DPYD: variants seen among roughly 807,000 people sequenced by gnomAD.
DPYD encodes dihydropyrimidine dehydrogenase.
DPYD carries 109 observed loss-of-function variants against 116.2 expected under a neutral mutation model. The observed-to-expected ratio is 0.94, with a 90% CI of 0.80 to 1.10. The LOEUF is 1.10. Ranked by LOEUF, DPYD falls within the 50% of genes least tolerant of loss-of-function variation. The pLI is 0.00. For synonymous variants in DPYD, 440 were observed against 432.0 expected (o/e 1.02, Z -0.23); for missense variants, 1,302 against 1,254.5 (o/e 1.04, Z -0.57).
At chr1:97,343,224 A>G (rs1669669020) in intron 16 of DPYD, among the ~76,000 whole-genome samples, 1 of 152,128 alleles carries the variant, frequency 6.6e-6, no homozygotes, top group African/African-American at 2.4e-5. Flanking sequence ...ATTGATTTCA[A>G]TGTGACATTA....
At chr1:97,634,485 ATAAC>A (rs1657450903) in intron 8 of DPYD, among the ~76,000 whole-genome samples, 1 of 152,114 alleles carries the variant, frequency 6.6e-6, no homozygotes, top group South Asian at 2.1e-4. Context: ...TTTGAAGAAA[ATAAC>A]TAATACATAA....
At chr1:97,415,729 T>C (rs1674255078) in intron 14 of DPYD, among the ~76,000 whole-genome samples, 1 of 152,240 alleles carries the variant, frequency 6.6e-6, no homozygotes. Context: ...GATAAATTTT[T>C]TGGACATTTC....
At chr1:97,836,676 G>A (rs2101517622) in intron 2 of DPYD, among the ~76,000 whole-genome samples, 1 of 152,050 alleles carries the variant, frequency 6.6e-6, no homozygotes, top group Admixed American at 6.5e-5. Context: ...AATGGAGTGG[G>A]TCAGTTCAAA....
chr1:97,453,991 T>C lies in DPYD; in HGVS notation c.1741-3768A>G, dbSNP rs114756151. On this transcript the variant is annotated intron_variant, in intron 13 of 22. Transcript: ENST00000370192. ...TCAACCAAAGATAAAAGGTCCTTTA[T>C]AACTTCTCAAATTACAGATGCCTAC... is the stretch of plus-strand genomic sequence containing the variant. Among the ~76,000 whole-genome samples, 652 of 152,196 alleles carry C rather than the reference T, an allele frequency of 4.3e-3. 7 individuals carry two copies. Among genetic ancestry groups the C allele is most frequent in the African/African-American group, 0.015 (635 of 41,564 alleles).
intron 12 of DPYD, among the ~76,000 whole-genome samples, chr1:97,522,781 G>C (rs985949709): frequency 1.3e-5 from 2 of 151,536 alleles, no homozygotes; most frequent in African/African-American, 4.8e-5. Context: ...TTCCTCTGTA[G>C]AGATATAAAT....
At chr1:97,745,445 C>T (rs1474096235) in intron 3 of DPYD, among the ~76,000 whole-genome samples, 2 of 152,012 alleles carry the variant, frequency 1.3e-5, no homozygotes, top group African/African-American at 4.8e-5. Flanking sequence ...TAGAACAGAA[C>T]ACAATTCACA....
At chr1:97,748,154 CAGA>C (rs1388946893) in intron 3 of DPYD, among the ~76,000 whole-genome samples, 3 of 152,168 alleles carry the variant, frequency 2.0e-5, no homozygotes, top group Middle Eastern at 3.4e-3. Context: ...TACGGGATTT[CAGA>C]AGAAGGAAAA....
At chr1:97,354,141 T>G (rs1044287095) in intron 16 of DPYD, among the ~76,000 whole-genome samples, 2 of 152,234 alleles carry the variant, frequency 1.3e-5, no homozygotes, top group Non-Finnish European at 2.9e-5. Flanking sequence ...GTGTCAGGTG[T>G]TGTACCTGCT....
At chr1:97,858,662 T>C (rs912088459) in intron 2 of DPYD, among the ~76,000 whole-genome samples, 4 of 152,130 alleles carry the variant, frequency 2.6e-5, no homozygotes, top group African/African-American at 4.8e-5. Flanking sequence ...CAAGTTATGA[T>C]ACTAATATAT....
Position 97,754,299 on chromosome 1 carries a change from AAT to A in DPYD, c.234-13822_234-13821del, listed in dbSNP as rs573145986. ...GCTAAAGGACACAATATTCAGAAAT[AAT>A]ATCTTAAATAACATCAATAAAATTA... On this transcript the variant is annotated intron_variant, in intron 3 of 22. Transcript: ENST00000370192. Among the ~76,000 whole-genome samples, 333 of 152,330 alleles carry A rather than the reference AAT, an allele frequency of 2.2e-3. 2 individuals carry two copies. Among genetic ancestry groups the A allele is most frequent in the Non-Finnish European group, 3.2e-3 (221 of 68,024 alleles).
intron 3 of DPYD, among the ~76,000 whole-genome samples, chr1:97,782,659 C>A (rs1327370183): frequency 6.6e-6 from 1 of 152,074 alleles, no homozygotes; most frequent in Non-Finnish European, 1.5e-5. Flanking sequence ...AAGGCAAGAC[C>A]AGTGAATGAA....
chr1:97,111,621 A>C (rs1014285481), intron 20 of DPYD, among the ~76,000 whole-genome samples: 2 of 151,280 alleles, frequency 1.3e-5, no homozygotes, highest in African/African-American at 4.9e-5. Flanking sequence ...TTCAAATCAC[A>C]CTCTTCACAT....
chr1:97,625,203 A>G (rs999297162), intron 8 of DPYD, among the ~76,000 whole-genome samples: 1 of 152,086 alleles, frequency 6.6e-6, no homozygotes, highest in African/African-American at 2.4e-5. Flanking sequence ...ATATTATAAC[A>G]TCATCTTATG....
chr1:97,490,041 C>G (rs1678879492), intron 13 of DPYD, among the ~76,000 whole-genome samples: 1 of 152,070 alleles, frequency 6.6e-6, no homozygotes, highest in Admixed American at 6.6e-5. Context: ...TTTTGTGACT[C>G]AGCTTCCTTC....
chr1:97,874,323 A>C (rs185294860), intron 2 of DPYD, among the ~76,000 whole-genome samples: 149 of 152,096 alleles, frequency 9.8e-4, no homozygotes, highest in African/African-American at 3.4e-3. Context: ...AGATACTCAA[A>C]AATGCTTTGT....
chr1:97,515,950 T>C lies in DPYD; in HGVS notation c.1525-9A>G, dbSNP rs56056384. ...GAAGCTCCATATTGTGACTGCAAAA[T>C]ACAAACCAATACTTGGTTTCATATT... is the stretch of plus-strand genomic sequence containing the variant. On this transcript the variant is annotated splice_polypyrimidine_tract_variant and intron_variant, in intron 12 of 22. Coordinates refer to ENST00000370192, the MANE Select transcript of DPYD (RefSeq NM_000110.4). The C allele has an allele frequency of 1.3e-4, 205 of 1,610,386 alleles. 3 individuals carry two copies. In the East Asian group the frequency reaches 4.5e-3, roughly 35 times the overall value.
chr1:97,613,060 G>T (rs912067062), intron 8 of DPYD, among the ~76,000 whole-genome samples: 1 of 151,946 alleles, frequency 6.6e-6, no homozygotes, highest in Admixed American at 6.6e-5. Context: ...AAACCAAGTT[G>T]GGCAGACATG....
At chr1:97,542,886 C>G (rs1048471908) in intron 12 of DPYD, among the ~76,000 whole-genome samples, 2 of 152,132 alleles carry the variant, frequency 1.3e-5, no homozygotes, top group African/African-American at 4.8e-5. Flanking sequence ...CCTAAAATAT[C>G]CTATTTCAAT....
intron 20 of DPYD, among the ~76,000 whole-genome samples, chr1:97,104,485 A>G (rs2101609955): frequency 6.6e-6 from 1 of 152,162 alleles, no homozygotes; most frequent in East Asian, 1.9e-4. Context: ...AACAATTGCA[A>G]TACCCTGTGG....
Sources: gnomAD v4.1 joint callset for allele counts (sites outside exome capture counted in the v4.1 genomes callset) on GRCh38, gnomAD v4.1.1 for gene constraint, MANE v1.5 for transcripts, NCBI Gene and HGNC (gene_info 2026-07-23, HGNC 2026-07-21) for gene names.